The following DIS3L variants were observed in gnomAD, a reference collection of about 807,000 sequenced individuals.
The protein encoded by DIS3L is DIS3-like exonuclease 1.
Under a neutral mutation model 120.3 loss-of-function variants are expected in DIS3L, and 100 were observed. The ratio of observed to expected loss-of-function variants is 0.83; its 90% confidence interval spans 0.71 to 0.98. The LOEUF (loss-of-function observed/expected upper bound fraction) is 0.98. DIS3L is among the 50% of genes least tolerant of loss of function. The pLI, the probability that DIS3L is intolerant of heterozygous loss-of-function variation, is 0.00. For synonymous variants in DIS3L, 426 were observed against 470.6 expected, an observed-to-expected ratio of 0.91 and a Z score of 1.23; for missense variants, 1,196 against 1,314.2, an observed-to-expected ratio of 0.91 and a Z score of 1.39.
At position 66,294,307 on chromosome 15, in the gene DIS3L, G is replaced by A. The variant is rs938803846; in HGVS notation, c.139+572G>A. 4.1e-6 allele frequency: 4 copies of A among 985,500 alleles called. No homozygotes were observed. The South Asian group carries it at 1.9e-4, about 46-fold the overall frequency. 61.0% of individuals were successfully genotyped at this position (985,500 alleles called of 1,614,324 possible). ...GGGAAGTTGGACTGGGGACTCCTGG[G>A]CCCCAGTCCTTGGTTTCTAGGCCAC... is the stretch of plus-strand genomic sequence containing the variant. On this transcript the variant is annotated intron_variant, in intron 1 of 16. Transcript: ENST00000319212.
intron 9 of DIS3L, 65 bp downstream of exon 9, chr15:66,320,797 A>C (rs142737570): frequency 1.5e-5 from 23 of 1,556,542 alleles, no homozygotes; most frequent in Non-Finnish European, 2.0e-5. Flanking sequence ...TTGTTTCATC[A>C]TTAAGAAAGA....
intron 6 of DIS3L, 124 bp downstream of exon 6, chr15:66,314,241 G>A: frequency 1.5e-6 from 1 of 656,502 alleles, no homozygotes; most frequent in South Asian, 4.7e-5. Context: ...CATACATTGG[G>A]TATGTGAGAT....
In DIS3L at chr15:66,320,703, A is replaced by G. The variant is rs758293031; in HGVS notation, c.1297A>G (p.Ile433Val). The G allele has an allele frequency of 1.9e-6, 3 of 1,613,986 alleles. No individual in the cohort carries two copies. The highest frequency in any genetic ancestry group is 2.5e-6 in the Non-Finnish European group (3 of 1,179,970). ...TGCAACCATCCTGGTGGAAAACAGT[A>G]TTTCAGTTATTCCTTTCTCAGAAGC... ...EIATILVENS[I>V]SVIPFSEAQM... Residue 433 changes from isoleucine to valine, a missense_variant, in exon 9 of 17, where the codon ATT becomes GTT. Transcript: ENST00000319212.
In DIS3L at chr15:66,317,716, C is replaced by T. The variant is rs573012416; in HGVS notation, c.995-733C>T. ...TCTTTGCTGGGTATGATGGCACGTG[C>T]CTATAGACCCAGCTACCCAGGAGGA... is the stretch of plus-strand genomic sequence containing the variant. On this transcript the variant is annotated intron_variant, in intron 7 of 16. Transcript: ENST00000319212. Among the ~76,000 whole-genome samples, 32 of 151,942 alleles carry T rather than the reference C, an allele frequency of 2.1e-4. No homozygotes were observed. The South Asian group carries it at 2.7e-3, about 13-fold the overall frequency.
At position 66,293,684 on chromosome 15, in the gene DIS3L, T is replaced by C; in HGVS notation, c.88T>C (p.Cys30Arg). 7.1e-7 allele frequency: 1 copy of C among 1,400,572 alleles called. No individual in the cohort carries two copies. The allele number at this position is 1,400,572 out of a possible 1,614,324, so 86.8% of individuals were successfully genotyped here. The change falls in exon 1 of 17, where the codon TGC becomes CGC. Residue 30 changes from cysteine (C) to arginine (R), a missense_variant. Coordinates refer to ENST00000319212, the MANE Select transcript of DIS3L (RefSeq NM_001143688.3). ...RIVREHYLRP[C>R]VPCHSPLCPQ... ...CGTGCGCGAGCACTACCTGCGGCCC[T>C]GCGTGCCCTGCCACAGCCCGCTCTG... is the stretch of plus-strand genomic sequence containing the variant.
At position 66,315,144 on chromosome 15, in the gene DIS3L, C is replaced by G; in HGVS notation, c.923C>G (p.Thr308Ser). 1 of 1,614,028 alleles carries G rather than the reference C, an allele frequency of 6.2e-7. No homozygotes were observed. Among genetic ancestry groups the G allele is most frequent in the Non-Finnish European group, 8.5e-7 (1 of 1,180,004 alleles). ...LLPKNEWKGRTVALCENDCDD... is the reference protein window; with the variant it reads ...LLPKNEWKGRSVALCENDCDD... ...CCTAAAAATGAATGGAAAGGAAGAA[C>G]CGTAGCCCTGTGTGAGAATGACTGT... is the stretch of plus-strand genomic sequence containing the variant. Residue 308 changes from threonine to serine, a missense_variant, in exon 7 of 17, where the codon ACC (threonine) becomes AGC (serine). By Grantham distance (58) the Thr-to-Ser change is moderately conservative. Coordinates refer to ENST00000319212, the MANE Select transcript of DIS3L (RefSeq NM_001143688.3).
chr15:66,320,813 C>G (rs2092875882), intron 9 of DIS3L, 81 bp downstream of exon 9: 1 of 1,522,758 alleles, frequency 6.6e-7, no homozygotes, highest in Middle Eastern at 1.8e-4. Context: ...AAAGAAAAGT[C>G]TTTGTGCTGT....
At chr15:66,328,127 T>G (rs2092958270) in intron 12 of DIS3L, among the ~76,000 whole-genome samples, 1 of 152,196 alleles carries the variant, frequency 6.6e-6, no homozygotes, top group Non-Finnish European at 1.5e-5. Flanking sequence ...GATGGCAGCA[T>G]CATTCATATT....
intron 2 of DIS3L, among the ~76,000 whole-genome samples, chr15:66,299,868 C>T (rs762665567): frequency 9.2e-5 from 14 of 151,960 alleles, no homozygotes; most frequent in Non-Finnish European, 1.6e-4. Flanking sequence ...CTGGGCAACA[C>T]GGTGAAACCC....
chr15:66,320,675 A>C lies in DIS3L; in HGVS notation c.1269A>C (p.Glu423Asp). 1 of 1,614,112 alleles carries C rather than the reference A, an allele frequency of 6.2e-7. No individual in the cohort carries two copies. Residue 423 changes from glutamate (E) to aspartate (D), a missense_variant, in exon 9 of 17, where the codon GAA becomes GAC. Transcript: ENST00000319212. ...GAAGAATCGGAGATCTGGAAGGGGA[A>C]ATTGCAACCATCCTGGTGGAAAACA... is the stretch of plus-strand genomic sequence containing the variant. ...VLGRIGDLEGEIATILVENSI... is the reference protein window; with the variant it reads ...VLGRIGDLEGDIATILVENSI...
At chr15:66,323,833 CTCTGTTGCTGGCTTTTTAA>C (rs2092910913) in intron 11 of DIS3L, among the ~76,000 whole-genome samples, 1 of 152,154 alleles carries the variant, frequency 6.6e-6, no homozygotes, top group South Asian at 2.1e-4. Context: ...CTGCGTCTCC[CTCTGTTGCTGGCTTTTTAA>C]AGTCAGCTAA....
intron 14 of DIS3L, chr15:66,330,492 G>A: frequency 1.0e-6 from 1 of 985,380 alleles, no homozygotes; most frequent in Non-Finnish European, 1.2e-6. Flanking sequence ...CTACCTAAAT[G>A]TTTAATGTAA....
rs767782565 is a variant in DIS3L at position 66,326,067 on chromosome 15, T to C, written c.1904T>C (p.Ile635Thr). The C allele has an allele frequency of 5.0e-6, 8 of 1,614,016 alleles. No individual in the cohort carries two copies. The South Asian group carries it at 8.8e-5, about 18-fold the overall frequency. ...LVWAIGKLTD[I>T]ARHVRAKRDG... Reference sequence around the variant, plus strand: ...TGGGCAATTGGAAAGCTGACCGACATAGCTCGCCATGTCAGAGCTAAACGA... The same window carrying C: ...TGGGCAATTGGAAAGCTGACCGACACAGCTCGCCATGTCAGAGCTAAACGA... Residue 635 changes from isoleucine (I) to threonine (T), a missense_variant, in exon 12 of 17, where the codon ATA becomes ACA. Transcript: ENST00000319212.
intron 8 of DIS3L, among the ~76,000 whole-genome samples, chr15:66,319,684 C>T (rs2092859398): frequency 2.0e-5 from 3 of 152,186 alleles, no homozygotes; most frequent in Admixed American, 1.3e-4. Flanking sequence ...TGTGCTTTTA[C>T]ATCTTGAAGC....
chr15:66,333,256 C>G lies in DIS3L; in HGVS notation c.3109C>G (p.Leu1037Val), dbSNP rs778862110. Residue 1037 changes from leucine to valine, a missense_variant, in exon 17 of 17, where the codon CTA (leucine) becomes GTA (valine). By Grantham distance (32) the Leu-to-Val change is conservative (BLOSUM62 1). Transcript: ENST00000319212. ...AAAGGGAAGGAGCCTATACACACTT[C>G]TAGAGGAGATACGGGACCTAGCTCT... Reference protein sequence around the residue: ...QTKGRSLYTLLEEIRDLALLD... With the variant: ...QTKGRSLYTLVEEIRDLALLD... 2 of 1,613,346 alleles carry G rather than the reference C, an allele frequency of 1.2e-6. No individual in the cohort carries two copies. Among genetic ancestry groups the G allele is most frequent in the Non-Finnish European group, 1.7e-6 (2 of 1,179,858 alleles).
rs766430677 is a variant in DIS3L, at chr15:66,311,888, A to C, written c.723A>C (p.Gly241=). Reference sequence around the variant, plus strand: ...TGTTAGAAGCTGGGATTAAATCTGGACGCTATATCCAGGTGAGGGTGGTAA... The same window carrying C: ...TGTTAGAAGCTGGGATTAAATCTGGCCGCTATATCCAGGTGAGGGTGGTAA... ...LEVLEAGIKS[G]RYIQGILNVN... is the part of the protein sequence containing the mutation. Residue 241 remains glycine (G), a synonymous_variant, in exon 5 of 17, where the codon GGA becomes GGC. Coordinates refer to ENST00000319212, the MANE Select transcript of DIS3L (RefSeq NM_001143688.3). 4.3e-6 allele frequency: 7 copies of C among 1,613,896 alleles called. No individual in the cohort carries two copies. In the South Asian group the frequency reaches 7.7e-5, roughly 18 times the overall value.
intron 14 of DIS3L, chr15:66,331,614 A>G (rs1276289913): frequency 1.1e-5 from 3 of 272,958 alleles, no homozygotes; most frequent in Non-Finnish European, 1.4e-5. Context: ...ACCCAAGGTG[A>G]ACATGACCCA....
chr15:66,296,586 G>A (rs891982875), intron 2 of DIS3L, among the ~76,000 whole-genome samples: 11 of 149,940 alleles, frequency 7.3e-5, no homozygotes, highest in African/African-American at 1.5e-4. Context: ...GCGTGATTTC[G>A]GCTCACAGGT....
rs1287402783 is a variant in DIS3L at position 66,293,709 on chromosome 15, GC to G, written c.116del (p.Pro39ArgfsTer17). 1.5e-6 allele frequency: 2 copies of G among 1,329,926 alleles called. No individual in the cohort carries two copies. The highest frequency in any genetic ancestry group is 1.9e-6 in the Non-Finnish European group (2 of 1,034,706). 82.4% of individuals were successfully genotyped at this position (1,329,926 alleles called of 1,614,324 possible). Reference sequence around the variant, plus strand: ...TGCGTGCCCTGCCACAGCCCGCTCTGCCCGCAGCCCGCCGCCTGCAGCCACG... The same window carrying G: ...TGCGTGCCCTGCCACAGCCCGCTCTGCCGCAGCCCGCCGCCTGCAGCCACG... ...RPCVPCHSPL[C>X]PQPAACSHDG... On this transcript the variant is annotated frameshift_variant, in exon 1 of 17. Transcript: ENST00000319212. LOFTEE classifies it high-confidence loss of function.
Sources: allele counts gnomAD v4.1 joint callset (sites outside exome capture counted in the v4.1 genomes callset), GRCh38; gene constraint gnomAD v4.1.1; transcripts MANE v1.5; gene names NCBI Gene and HGNC (gene_info 2026-07-23, HGNC 2026-07-21).